The following SLC25A48 variants were observed in gnomAD, a reference collection of about 807,000 sequenced individuals.
SLC25A48 encodes the protein CTC-321K16.1.
In SLC25A48, 29 loss-of-function variants were observed where a neutral mutation model predicts 32.2. The ratio of observed to expected loss-of-function variants is 0.90; its 90% CI spans 0.67 to 1.23. The LOEUF (loss-of-function observed/expected upper bound fraction) is 1.23. SLC25A48 is among the 50% of genes most tolerant of loss of function. The probability of loss-of-function intolerance (pLI) is 0.00; values close to 1 mark genes in which losing one functional copy is unlikely to be tolerated. For synonymous variants in SLC25A48, 164 were observed against 172.3 expected (o/e 0.95, Z 0.38); for missense variants, 399 against 422.7 (o/e 0.94, Z 0.49).
chr5:135,746,535 G>A (rs550089910), intron 3 of SLC25A48, among the ~76,000 whole-genome samples: 1 of 152,156 alleles, frequency 6.6e-6, no homozygotes, highest in Admixed American at 6.5e-5. Context: ...CGATTCTCCG[G>A]TGCAAAATAA....
At chr5:135,635,541 T>A (rs535088082) in intron 3 of SLC25A48, among the ~76,000 whole-genome samples, 2 of 152,354 alleles carry the variant, frequency 1.3e-5, no homozygotes, top group African/African-American at 4.8e-5. Context: ...AATGCTTTAG[T>A]GCAGGATTTC....
intron 3 of SLC25A48, among the ~76,000 whole-genome samples, chr5:135,778,914 G>A (rs1030335859): frequency 2.1e-5 from 3 of 144,404 alleles, no homozygotes; most frequent in African/African-American, 5.1e-5. Context: ...AATATTGCAG[G>A]AGGTGTACAC....
intron 3 of SLC25A48, among the ~76,000 whole-genome samples, chr5:135,728,717 A>G (rs1391977427): frequency 1.3e-5 from 2 of 152,130 alleles, no homozygotes; most frequent in African/African-American, 2.4e-5. Flanking sequence ...CTGATGTCAG[A>G]TGAAGATCCA....
intron 3 of SLC25A48, chr5:135,650,512 C>G (rs528059977): frequency 7.2e-5 from 32 of 447,164 alleles, no homozygotes; most frequent in African/African-American, 5.2e-4. Flanking sequence ...GACTCCAGGA[C>G]AAGGGATGAC....
intron 2 of SLC25A48, among the ~76,000 whole-genome samples, chr5:135,631,880 G>A (rs1752580500): frequency 6.6e-6 from 1 of 152,176 alleles, no homozygotes; most frequent in Non-Finnish European, 1.5e-5. Context: ...ACTTCCTGTG[G>A]TATATTTTTG....
chr5:135,646,932 AATATT>A (rs1007529497), intron 3 of SLC25A48, among the ~76,000 whole-genome samples: 15 of 151,820 alleles, frequency 9.9e-5, no homozygotes, highest in South Asian at 2.1e-4. Context: ...GTATACTTGA[AATATT>A]ATATTATATG....
At chr5:135,751,014 C>T (rs542199227) in intron 3 of SLC25A48, among the ~76,000 whole-genome samples, 58 of 152,302 alleles carry the variant, frequency 3.8e-4, no homozygotes, top group Non-Finnish European at 6.3e-4. Flanking sequence ...CTTAAACCAG[C>T]GGCCCTGAGA....
intron 3 of SLC25A48, among the ~76,000 whole-genome samples, chr5:135,643,225 G>A (rs1393030012): frequency 1.3e-5 from 2 of 152,218 alleles, no homozygotes; most frequent in Non-Finnish European, 2.9e-5. Flanking sequence ...CTTCCTGACG[G>A]GCGGTGGGGA....
intron 3 of SLC25A48, among the ~76,000 whole-genome samples, chr5:135,686,420 C>T (rs1348546024): frequency 2.0e-5 from 3 of 152,210 alleles, no homozygotes; most frequent in African/African-American, 7.2e-5. Flanking sequence ...CTTCCAGTTC[C>T]TTGGATAACT....
chr5:135,740,119 A>T (rs1012114792), intron 3 of SLC25A48, among the ~76,000 whole-genome samples: 2 of 152,172 alleles, frequency 1.3e-5, no homozygotes, highest in African/African-American at 4.8e-5. Context: ...CCTCAAATGG[A>T]AAGAGATTGC....
At chr5:135,647,432 T>C (rs1752989524) in intron 3 of SLC25A48, among the ~76,000 whole-genome samples, 1 of 152,206 alleles carries the variant, frequency 6.6e-6, no homozygotes, top group Admixed American at 6.5e-5. Flanking sequence ...CATGGGGCCA[T>C]GGCACAACCA....
intron 1 of SLC25A48, among the ~76,000 whole-genome samples, chr5:135,608,324 C>T (rs186795673): frequency 1.6e-4 from 24 of 152,278 alleles, no homozygotes; most frequent in Middle Eastern, 3.4e-3. Context: ...CTCAGTGGCA[C>T]GAGTTCTGTC....
chr5:135,657,196 G>A (rs1187151850), intron 3 of SLC25A48, among the ~76,000 whole-genome samples: 1 of 152,172 alleles, frequency 6.6e-6, no homozygotes, highest in Non-Finnish European at 1.5e-5. Context: ...CCATGATTCA[G>A]TTCCAAGCAG....
At chr5:135,849,652 A>G (rs1480145992) in intron 2 of SLC25A48, among the ~76,000 whole-genome samples, 1 of 152,184 alleles carries the variant, frequency 6.6e-6, no homozygotes, top group Non-Finnish European at 1.5e-5. Flanking sequence ...CATAAACTCT[A>G]TATAATCAAA....
intron 3 of SLC25A48, among the ~76,000 whole-genome samples, chr5:135,698,640 G>A (rs1333345586): frequency 1.3e-5 from 2 of 152,016 alleles, no homozygotes; most frequent in African/African-American, 4.8e-5. Context: ...CTTGGGGTAA[G>A]CAAAGATTTC....
At chr5:135,687,432 T>C (rs1754042059) in intron 3 of SLC25A48, among the ~76,000 whole-genome samples, 1 of 152,234 alleles carries the variant, frequency 6.6e-6, no homozygotes, top group South Asian at 2.1e-4. Context: ...CAGATTTCTG[T>C]GTAACTGAGA....
intron 4 of SLC25A48, among the ~76,000 whole-genome samples, chr5:135,867,783 TATA>T (rs1438031926): frequency 1.3e-5 from 2 of 152,206 alleles, no homozygotes; most frequent in African/African-American, 2.4e-5. Flanking sequence ...TGCTTGGAAT[TATA>T]ATAACTACCT....
chr5:135,814,889 G>T (rs1237575212), intron 4 of SLC25A48, among the ~76,000 whole-genome samples: 4 of 152,218 alleles, frequency 2.6e-5, no homozygotes, highest in Admixed American at 1.3e-4. Context: ...GAGGCCATGG[G>T]GCCATGGGAG....
chr5:135,581,458 A>G (rs1482902695), intron 1 of SLC25A48, among the ~76,000 whole-genome samples: 5 of 152,270 alleles, frequency 3.3e-5, no homozygotes, highest in Non-Finnish European at 7.3e-5. Context: ...AATATATTTT[A>G]TGCTGCAAAG....
Sources: allele counts gnomAD v4.1 joint callset (sites outside exome capture counted in the v4.1 genomes callset), GRCh38; gene constraint gnomAD v4.1.1; transcripts MANE v1.5; gene names NCBI Gene and HGNC (gene_info 2026-07-23, HGNC 2026-07-21).